The following SIK3 variants were observed in gnomAD, a reference collection of about 807,000 sequenced individuals.
SIK3 encodes the protein SIK family kinase 3.
A neutral mutation model predicts 144.2 loss-of-function variants in SIK3; 28 were observed. The observed-to-expected ratio is 0.19, with a 90% CI of 0.14 to 0.27. The LOEUF is 0.27. Ranked by LOEUF, SIK3 falls within the 10% of genes least tolerant of loss-of-function variation. The pLI, the probability that SIK3 is intolerant of heterozygous loss-of-function variation, is 1.00. For missense variants in SIK3, 1,319 were observed against 1,776.0 expected, an observed-to-expected ratio of 0.74 and a Z score of 4.62; for synonymous variants, 686 against 676.3, an observed-to-expected ratio of 1.01 and a Z score of -0.22.
chr11:117,077,656 G>A (rs1954611201), intron 1 of SIK3, among the ~76,000 whole-genome samples: 1 of 152,122 alleles, frequency 6.6e-6, no homozygotes, highest in South Asian at 2.1e-4. Flanking sequence ...GCTGCTTATT[G>A]CTGTGCTGGG....
At chr11:116,874,482 T>C (rs898375074) in intron 11 of SIK3, among the ~76,000 whole-genome samples, 1 of 152,246 alleles carries the variant, frequency 6.6e-6, no homozygotes, top group Non-Finnish European at 1.5e-5. Context: ...AGATAAGTAC[T>C]AGATGTACAG....
intron 4 of SIK3, among the ~76,000 whole-genome samples, chr11:116,899,292 C>T (rs1302101790): frequency 2.0e-5 from 3 of 151,634 alleles, no homozygotes; most frequent in South Asian, 2.1e-4. Context: ...AGATATGCAG[C>T]GTTATTTCTG....
chr11:116,907,284 A>G (rs1565436730), intron 4 of SIK3, among the ~76,000 whole-genome samples: 2 of 152,170 alleles, frequency 1.3e-5, no homozygotes, highest in South Asian at 4.1e-4. Context: ...CCAGCCCCAC[A>G]TTGTGCTTTC....
intron 2 of SIK3, among the ~76,000 whole-genome samples, chr11:116,956,202 C>T (rs1281058364): frequency 2.0e-5 from 3 of 152,146 alleles, no homozygotes; most frequent in Non-Finnish European, 4.4e-5. Flanking sequence ...ATATCTCTTT[C>T]ACCAGCCTGC....
At chr11:116,947,692 A>G (rs1433770437) in intron 3 of SIK3, among the ~76,000 whole-genome samples, 1 of 151,250 alleles carries the variant, frequency 6.6e-6, no homozygotes, top group Non-Finnish European at 1.5e-5. Context: ...CAGCCTCCCA[A>G]GTAGCTGGGA....
intron 4 of SIK3, among the ~76,000 whole-genome samples, chr11:116,898,174 T>C (rs1170142661): frequency 2.0e-5 from 3 of 151,372 alleles, no homozygotes; most frequent in Non-Finnish European, 2.9e-5. Flanking sequence ...CCTTCCTGTG[T>C]CCATGTGTTC....
At chr11:117,051,312 A>G (rs1391013634) in intron 1 of SIK3, among the ~76,000 whole-genome samples, 2 of 151,892 alleles carry the variant, frequency 1.3e-5, no homozygotes, top group African/African-American at 4.8e-5. Context: ...TCAGACTCCA[A>G]CTTAATTACA....
chr11:116,879,910 G>T (rs116724830), intron 6 of SIK3, among the ~76,000 whole-genome samples: 2 of 152,166 alleles, frequency 1.3e-5, no homozygotes, highest in Non-Finnish European at 2.9e-5. Context: ...TATGTTTATC[G>T]TTTGCAGTTA....
Position 116,849,291 on chromosome 11 carries a change from G to A in SIK3, c.3656-8C>T. 1.2e-6 allele frequency: 2 copies of A among 1,614,082 alleles called. No individual in the cohort carries two copies. The highest frequency in any genetic ancestry group is 1.7e-6 in the Non-Finnish European group (2 of 1,179,978). Reference sequence around the variant, plus strand: ...AGTTCCCTATGACAGGCTCTGAGGAGACACAGCAGAATAGAGTCAGTGGGG... The same window carrying A: ...AGTTCCCTATGACAGGCTCTGAGGAAACACAGCAGAATAGAGTCAGTGGGG... On this transcript the variant is annotated splice_region_variant and splice_polypyrimidine_tract_variant and intron_variant, in intron 21 of 24. Transcript: ENST00000445177. This position sits in a 1 kb window ranked among gnomAD's most constrained non-coding sequence, Gnocchi z 4.2.
intron 1 of SIK3, among the ~76,000 whole-genome samples, chr11:117,029,003 G>A (rs1029439992): frequency 1.3e-5 from 2 of 151,494 alleles, no homozygotes; most frequent in Non-Finnish European, 2.9e-5. Context: ...CCACCTCCTG[G>A]GTTCAAGTGA....
chr11:117,030,818 G>T (rs1489012428), intron 1 of SIK3, among the ~76,000 whole-genome samples: 3 of 152,142 alleles, frequency 2.0e-5, no homozygotes, highest in Non-Finnish European at 4.4e-5. Flanking sequence ...TTACAGGTGT[G>T]TGCCAGTGCA....
At chr11:117,060,471 CCT>C (rs1457140461) in intron 1 of SIK3, among the ~76,000 whole-genome samples, 1 of 152,056 alleles carries the variant, frequency 6.6e-6, no homozygotes, top group Admixed American at 6.6e-5. Flanking sequence ...GTGGCGCATG[CCT>C]GTAATCCCAG....
At chr11:117,037,679 A>G (rs893496759) in intron 1 of SIK3, among the ~76,000 whole-genome samples, 3 of 152,164 alleles carry the variant, frequency 2.0e-5, no homozygotes, top group African/African-American at 7.2e-5. Context: ...GCTTTTAACA[A>G]CATAAGGCAA....
Position 117,004,272 on chromosome 11 carries a change from T to G in SIK3, c.274-47208A>C, listed in dbSNP as rs190374682. Among the ~76,000 whole-genome samples, 3 of 152,290 alleles carry G rather than the reference T, an allele frequency of 2.0e-5. No homozygotes were observed. The East Asian group carries it at 5.8e-4, about 29-fold the overall frequency. ...GCTCACACCTGTAATCCCAGCATGT[T>G]GCGAGGCCGAGGTGGGCAGATCGCT... On this transcript the variant is annotated intron_variant, in intron 1 of 24. Transcript: ENST00000445177.
chr11:117,023,869 G>T (rs1253177748), intron 1 of SIK3, among the ~76,000 whole-genome samples: 1 of 151,806 alleles, frequency 6.6e-6, no homozygotes, highest in Non-Finnish European at 1.5e-5. Context: ...AGTAGAGACG[G>T]GGTCTTGCTA....
intron 1 of SIK3, among the ~76,000 whole-genome samples, chr11:117,096,792 G>A (rs1402690869): frequency 6.6e-6 from 1 of 152,090 alleles, no homozygotes; most frequent in Admixed American, 6.5e-5. Context: ...CAGGAGAGAA[G>A]GCCTAGATAA....
At chr11:117,028,454 A>G (rs540028715) in intron 1 of SIK3, among the ~76,000 whole-genome samples, 1 of 152,234 alleles carries the variant, frequency 6.6e-6, no homozygotes, top group South Asian at 2.1e-4. Context: ...AACAACAACA[A>G]AAGTACACCA....
intron 12 of SIK3, 54 bp from the exon 13 acceptor site, chr11:116,873,690 G>C (rs924841959): frequency 3.3e-6 from 5 of 1,513,284 alleles, no homozygotes; most frequent in Non-Finnish European, 3.5e-6. Flanking sequence ...AAGGCGGGGA[G>C]AAAGGGGCAA....
chr11:116,894,535 A>T (rs967989458), intron 6 of SIK3, among the ~76,000 whole-genome samples: 2 of 152,198 alleles, frequency 1.3e-5, no homozygotes, highest in Non-Finnish European at 2.9e-5. Flanking sequence ...TCTTTCTTTC[A>T]TATCAAATCC....
Sources: allele counts gnomAD v4.1 joint callset (sites outside exome capture counted in the v4.1 genomes callset), GRCh38; gene constraint gnomAD v4.1.1; non-coding constraint Gnocchi (gnomAD v3.1); transcripts MANE v1.5; gene names NCBI Gene and HGNC (gene_info 2026-07-23, HGNC 2026-07-21).